The following PCYT1B variants were observed in gnomAD, a reference collection of about 807,000 sequenced individuals.
The protein encoded by PCYT1B is choline-phosphate cytidylyltransferase B.
PCYT1B carries 10 observed loss-of-function variants against 26.4 expected under a neutral mutation model. The ratio of observed to expected loss-of-function variants is 0.38; its 90% CI spans 0.23 to 0.64. PCYT1B has a LOEUF of 0.64. Ranked by LOEUF, PCYT1B falls within the 30% of genes least tolerant of loss-of-function variation. The pLI, the probability that PCYT1B is intolerant of heterozygous loss-of-function variation, is 0.56. For missense variants in PCYT1B, 161 were observed against 292.7 expected, an observed-to-expected ratio of 0.55 and a Z score of 3.28; for synonymous variants, 131 against 108.4, an observed-to-expected ratio of 1.21 and a Z score of -1.29.
In PCYT1B at chrX:24,617,529, C is replaced by A. The variant is rs767942001; in HGVS notation, c.217+1456G>T. Among the ~76,000 whole-genome samples the A allele has an allele frequency of 7.6e-5, 8 of 104,823 alleles. No homozygotes were observed. The East Asian group carries it at 2.1e-3, about 27-fold the overall frequency. 91.0% of individuals were successfully genotyped at this position (104,823 alleles called of 115,157 possible). On this transcript the variant is annotated intron_variant, in intron 2 of 7. Transcript: ENST00000379144. ...ATGGTGTGATCTCGGCTCACTGCAA[C>A]CTCCACCTTCTGGATTCAAATGATT...
At chrX:24,581,336 A>C (rs61761926) in intron 5 of PCYT1B, among the ~76,000 whole-genome samples, 2,000 of 110,736 alleles carry the variant, frequency 0.018, 47 homozygotes, top group African/African-American at 0.061. Context: ...CTGCTATACA[A>C]CTGCAGGGGG....
At chrX:24,582,349 G>A (rs1044878769) in intron 5 of PCYT1B, among the ~76,000 whole-genome samples, 1 of 112,470 alleles carries the variant, frequency 8.9e-6, no homozygotes, top group Non-Finnish European at 1.9e-5. Flanking sequence ...GTAACTGAAA[G>A]TAGATTTGGC....
In PCYT1B at chrX:24,572,958, A is replaced by G. The variant is rs995860563; in HGVS notation, c.897+2172T>C. On this transcript the variant is annotated intron_variant, in intron 7 of 7. Transcript: ENST00000379144. ...TATATACACACACACACATATACAC[A>G]CATACACACACATATATATACACAT... is the stretch of plus-strand genomic sequence containing the variant. Among the ~76,000 whole-genome samples the G allele has an allele frequency of 4.7e-5, 5 of 107,198 alleles. No individual in the cohort carries two copies. The Admixed American group carries it at 5.2e-4, about 11-fold the overall frequency. 93.1% of individuals were successfully genotyped at this position (107,198 alleles called of 115,157 possible).
chrX:24,623,967 CTTTTTTTTTT>C (rs1347821643), intron 1 of PCYT1B, among the ~76,000 whole-genome samples: 1 of 85,260 alleles, frequency 1.2e-5, no homozygotes, highest in Non-Finnish European at 2.3e-5. Flanking sequence ...CTAAGCTATA[CTTTTTTTTTT>C]TTTTTTTTTT....
chrX:24,637,306 T>A (rs747193772), intron 1 of PCYT1B, among the ~76,000 whole-genome samples: 27 of 105,080 alleles, frequency 2.6e-4, no homozygotes, highest in Non-Finnish European at 5.2e-4. Context: ...GCTTTAGAAG[T>A]CAGACAAACC....
upstream of PCYT1B, among the ~76,000 whole-genome samples, chrX:24,651,476 T>A (rs1164407866): frequency 0.077 from 1,196 of 15,450 alleles, 40 homozygotes; most frequent in Non-Finnish European, 0.11. Flanking sequence ...AAAAAAAATA[T>A]ATATATATAT....
chrX:24,668,085 C>A lies in PCYT1B; in HGVS notation c.63+4485G>T, dbSNP rs751177837. 1.1e-4 allele frequency among the ~76,000 whole-genome samples: 12 copies of A among 112,181 alleles called. No individual in the cohort carries two copies. The Admixed American group carries it at 1.1e-3, about 11-fold the overall frequency. ...TAAGGATATTATGGAAATGCAAGTG[C>A]CATTCTTCTCTAATAACTCAACATT... is the stretch of plus-strand genomic sequence containing the variant. On this transcript the variant is annotated intron_variant, in intron 1 of 7. Transcript: ENST00000379145.
intron 1 of PCYT1B, chrX:24,621,839 G>A (rs1485438209): frequency 3.0e-5 from 22 of 731,478 alleles, no homozygotes; most frequent in Non-Finnish European, 3.6e-5. Context: ...AGGAGATAAG[G>A]TGTTGCCATT....
intron 1 of PCYT1B, among the ~76,000 whole-genome samples, chrX:24,643,633 TAAGGCAG>T (rs1926531917): frequency 8.9e-6 from 1 of 112,426 alleles, no homozygotes; most frequent in Non-Finnish European, 1.9e-5. Context: ...TAATGAAGAA[TAAGGCAG>T]GTAGAGAAAC....
chrX:24,646,707 C>A (rs1230125475), intron 1 of PCYT1B, among the ~76,000 whole-genome samples: 2 of 110,835 alleles, frequency 1.8e-5, no homozygotes, highest in African/African-American at 6.6e-5. Flanking sequence ...GACAAGAACA[C>A]ACCTAAAAGG....
upstream of PCYT1B, among the ~76,000 whole-genome samples, chrX:24,648,340 C>A: frequency 9.4e-6 from 1 of 106,891 alleles, no homozygotes; most frequent in Non-Finnish European, 1.9e-5. Flanking sequence ...TTACCTAGTT[C>A]TTGTTTAATC....
At chrX:24,567,558 T>C (rs748875451) in intron 7 of PCYT1B, among the ~76,000 whole-genome samples, 11 of 112,441 alleles carry the variant, frequency 9.8e-5, no homozygotes, top group Non-Finnish European at 2.1e-4. Context: ...GAGGTTTCCA[T>C]TTATAATGTT....
chrX:24,576,929 T>C (rs1924035854), intron 6 of PCYT1B, among the ~76,000 whole-genome samples: 3 of 112,078 alleles, frequency 2.7e-5, no homozygotes, highest in African/African-American at 9.7e-5. Flanking sequence ...GATGAGCATA[T>C]GATGAGTTCT....
At chrX:24,574,803 T>A (rs988216790) in intron 7 of PCYT1B, among the ~76,000 whole-genome samples, 5 of 112,306 alleles carry the variant, frequency 4.5e-5, no homozygotes, top group African/African-American at 1.6e-4. Context: ...CAAAGTTTCA[T>A]CATCCCCAAC....
intron 7 of PCYT1B, 150 bp downstream of exon 7, chrX:24,574,980 G>A (rs1751861814): frequency 2.6e-6 from 1 of 389,585 alleles, no homozygotes; most frequent in African/African-American, 2.6e-5. Flanking sequence ...CAGTAAGGAA[G>A]TGACATGGAC....
At chrX:24,583,337 G>A (rs185081983) in intron 5 of PCYT1B, among the ~76,000 whole-genome samples, 21 of 111,626 alleles carry the variant, frequency 1.9e-4, no homozygotes, top group Non-Finnish European at 3.4e-4. Context: ...GGCCAGCCAC[G>A]TAAGTGTACC....
At chrX:24,633,462 T>G (rs1926172068) in intron 1 of PCYT1B, among the ~76,000 whole-genome samples, 1 of 109,756 alleles carries the variant, frequency 9.1e-6, no homozygotes, top group South Asian at 4.0e-4. Context: ...CCACTTGAGG[T>G]CAGGAGTTCT....
intron 7 of PCYT1B, among the ~76,000 whole-genome samples, chrX:24,566,498 T>G (rs1488592563): frequency 8.9e-6 from 1 of 111,787 alleles, no homozygotes; most frequent in East Asian, 2.8e-4. Context: ...TAACCCGAAA[T>G]GCTAACAGAG....
At chrX:24,650,980 T>C (rs1008468673), upstream of PCYT1B, among the ~76,000 whole-genome samples, 2 of 111,713 alleles carry the variant, frequency 1.8e-5, no homozygotes, top group Non-Finnish European at 3.8e-5. Context: ...CGTGTTAGCA[T>C]TATAGTGTTA....
Sources: gnomAD v4.1 joint callset for allele counts (sites outside exome capture counted in the v4.1 genomes callset) on GRCh38, gnomAD v4.1.1 for gene constraint, MANE v1.5 for transcripts, NCBI Gene and HGNC (gene_info 2026-07-23, HGNC 2026-07-21) for gene names.